The following GRXCR1 variants were observed in gnomAD, a reference collection of about 807,000 sequenced individuals.
GRXCR1 encodes glutaredoxin and cysteine rich domain containing 1.
A neutral mutation model predicts 27.3 loss-of-function variants in GRXCR1; 27 were observed. The observed-to-expected ratio is 0.99, with a 90% CI of 0.73 to 1.37. The LOEUF is 1.37. Ranked by LOEUF, GRXCR1 falls within the 40% of genes most tolerant of loss-of-function variation. The probability of loss-of-function intolerance (pLI) is 0.00; values close to 1 mark genes in which losing one functional copy is unlikely to be tolerated. For synonymous variants in GRXCR1, 122 were observed against 131.1 expected (o/e 0.93, Z 0.47); for missense variants, 379 against 354.4 (o/e 1.07, Z -0.56).
At chr4:42,974,543 G>T (rs141642701) in intron 2 of GRXCR1, among the ~76,000 whole-genome samples, 23 of 152,180 alleles carry the variant, frequency 1.5e-4, no homozygotes, top group Non-Finnish European at 2.6e-4. Context: ...CTGTGAGCTT[G>T]GTTTCATTTC....
chr4:43,003,006 G>A (rs1462538249), intron 2 of GRXCR1, among the ~76,000 whole-genome samples: 3 of 152,154 alleles, frequency 2.0e-5, no homozygotes, highest in Admixed American at 6.5e-5. Context: ...AGATATGATG[G>A]TTTAAAAGTG....
intron 1 of GRXCR1, among the ~76,000 whole-genome samples, chr4:42,920,978 T>C (rs929705272): frequency 5.3e-5 from 8 of 152,248 alleles, no homozygotes; most frequent in African/African-American, 1.9e-4. Context: ...CAAATTCCAA[T>C]GAGCTTTCCA....
intron 1 of GRXCR1, among the ~76,000 whole-genome samples, chr4:42,924,722 C>T (rs573120572): frequency 2.6e-5 from 4 of 152,034 alleles, no homozygotes; most frequent in African/African-American, 9.7e-5. Context: ...GAGGCAAATA[C>T]TAATCAACCA....
intron 1 of GRXCR1, among the ~76,000 whole-genome samples, chr4:42,948,468 A>C (rs1241737977): frequency 6.6e-6 from 1 of 152,140 alleles, no homozygotes; most frequent in Non-Finnish European, 1.5e-5. Context: ...TATTAGAATT[A>C]CCATCAGATT....
chr4:43,020,876 A>G (rs1343885853), intron 3 of GRXCR1, among the ~76,000 whole-genome samples: 2 of 152,242 alleles, frequency 1.3e-5, no homozygotes, highest in African/African-American at 4.8e-5. Flanking sequence ...ATATAGCATC[A>G]GAGAAATACT....
chr4:43,018,510 A>G (rs896652601), intron 2 of GRXCR1, among the ~76,000 whole-genome samples: 2 of 152,162 alleles, frequency 1.3e-5, no homozygotes, highest in Non-Finnish European at 2.9e-5. Flanking sequence ...AGTTGTTTGT[A>G]TTTAAGAATA....
intron 1 of GRXCR1, among the ~76,000 whole-genome samples, chr4:42,934,109 G>A (rs1319282466): frequency 2.0e-5 from 3 of 151,830 alleles, no homozygotes; most frequent in South Asian, 2.1e-4. Flanking sequence ...ACAACTTGTG[G>A]ACTCTTTAAG....
intron 1 of GRXCR1, among the ~76,000 whole-genome samples, chr4:42,931,133 G>A (rs749269740): frequency 2.6e-5 from 4 of 151,788 alleles, no homozygotes; most frequent in African/African-American, 9.7e-5. Flanking sequence ...TCCTTTAAAT[G>A]TATGGATTAT....
chr4:42,916,923 C>A (rs1046934601), intron 1 of GRXCR1, among the ~76,000 whole-genome samples: 4 of 152,106 alleles, frequency 2.6e-5, no homozygotes, highest in Middle Eastern at 3.4e-3. Context: ...TAAGGAAGAA[C>A]CTTATGTAAG....
intron 1 of GRXCR1, among the ~76,000 whole-genome samples, chr4:42,908,839 G>T (rs1175583300): frequency 2.6e-5 from 4 of 152,162 alleles, no homozygotes; most frequent in Non-Finnish European, 5.9e-5. Context: ...GAGAATATTG[G>T]TTGCCAGGGA....
At chr4:42,976,855 G>A (rs1417195180) in intron 2 of GRXCR1, among the ~76,000 whole-genome samples, 1 of 151,836 alleles carries the variant, frequency 6.6e-6, no homozygotes, top group Non-Finnish European at 1.5e-5. Flanking sequence ...TTTCGAGAAT[G>A]CAACGTATTG....
At chr4:43,012,602 T>C (rs1440914988) in intron 2 of GRXCR1, among the ~76,000 whole-genome samples, 1 of 152,144 alleles carries the variant, frequency 6.6e-6, no homozygotes, top group Non-Finnish European at 1.5e-5. Flanking sequence ...GTTCATATTA[T>C]GTGTCATGCA....
chr4:43,023,830 G>T (rs1713169625), intron 3 of GRXCR1, among the ~76,000 whole-genome samples: 1 of 152,272 alleles, frequency 6.6e-6, no homozygotes, highest in Non-Finnish European at 1.5e-5. Context: ...AAAAGAAAGA[G>T]AAAATTATTA....
intron 2 of GRXCR1, among the ~76,000 whole-genome samples, chr4:42,970,333 G>A (rs1350739678): frequency 1.3e-5 from 2 of 152,048 alleles, no homozygotes; most frequent in Non-Finnish European, 2.9e-5. Context: ...AGCTATGAGG[G>A]GGCTCCAACC....
chr4:42,929,215 A>G (rs1325036229), intron 1 of GRXCR1, among the ~76,000 whole-genome samples: 1 of 151,996 alleles, frequency 6.6e-6, no homozygotes, highest in Non-Finnish European at 1.5e-5. Flanking sequence ...AAATATAAAA[A>G]TGATGACCTG....
intron 1 of GRXCR1, among the ~76,000 whole-genome samples, chr4:42,921,993 C>T (rs896021686): frequency 1.3e-5 from 2 of 152,110 alleles, no homozygotes; most frequent in Admixed American, 6.6e-5. Flanking sequence ...TGGTTGGTGG[C>T]CACAGATTTC....
At chr4:42,990,399 G>C (rs556580607) in intron 2 of GRXCR1, among the ~76,000 whole-genome samples, 1 of 151,134 alleles carries the variant, frequency 6.6e-6, no homozygotes, top group Non-Finnish European at 1.5e-5. Context: ...CACCGTTTTA[G>C]CCGGGATGGT....
At chr4:43,023,404 A>G (rs10755176) in intron 3 of GRXCR1, among the ~76,000 whole-genome samples, 31,483 of 152,104 alleles carry the variant, frequency 0.21, 4,018 homozygotes, top group Non-Finnish European at 0.29. Flanking sequence ...AATAATTCCA[A>G]ATTTTTTGTG....
intron 2 of GRXCR1, among the ~76,000 whole-genome samples, chr4:43,001,401 CTTAT>C (rs975561081): frequency 2.0e-5 from 3 of 152,064 alleles, no homozygotes; most frequent in Non-Finnish European, 4.4e-5. Flanking sequence ...AGCTCGCTCT[CTTAT>C]TTGAGTTTTT....
Sources: gnomAD v4.1 joint callset for allele counts (sites outside exome capture counted in the v4.1 genomes callset) on GRCh38, gnomAD v4.1.1 for gene constraint, MANE v1.5 for transcripts, NCBI Gene and HGNC (gene_info 2026-07-23, HGNC 2026-07-21) for gene names.